Variants in MDGA2 observed in about 807,000 individuals in gnomAD.
MDGA2 encodes MAM domain-containing glycosylphosphatidylinositol anchor protein 2.
MDGA2 carries 40 observed loss-of-function variants against 117.8 expected under a neutral mutation model. That is an observed-to-expected ratio of 0.34 (90% confidence interval 0.26 to 0.44). The LOEUF is 0.44. Among genes scored for constraint, MDGA2 ranks in the 20% least tolerant of loss-of-function variants. The pLI is 1.00. For synonymous variants in MDGA2, 452 were observed against 439.0 expected, an observed-to-expected ratio of 1.03 and a Z score of -0.37; for missense variants, 1,123 against 1,250.6, an observed-to-expected ratio of 0.90 and a Z score of 1.54.
chr14:47,582,806 T>A (rs1896253634), intron 1 of MDGA2, among the ~76,000 whole-genome samples: 1 of 151,894 alleles, frequency 6.6e-6, no homozygotes, highest in Admixed American at 6.6e-5. Context: ...ACTTTATTCA[T>A]CAGTACTCTT....
chr14:47,226,311 T>C (rs1025665034), intron 2 of MDGA2, among the ~76,000 whole-genome samples: 12 of 151,986 alleles, frequency 7.9e-5, no homozygotes, highest in African/African-American at 2.9e-4. Context: ...CTACTCACTA[T>C]GCGGAAAACA....
intron 1 of MDGA2, among the ~76,000 whole-genome samples, chr14:47,490,177 A>G (rs1021128421): frequency 6.6e-6 from 1 of 151,918 alleles, no homozygotes; most frequent in African/African-American, 2.4e-5. Context: ...AAAGATTCCA[A>G]CTCTTGGGGT....
intron 9 of MDGA2, among the ~76,000 whole-genome samples, chr14:46,956,547 TAGTAAATAAATACATATATAAATA>T (rs1485560895): frequency 2.0e-5 from 3 of 151,570 alleles, no homozygotes; most frequent in Non-Finnish European, 4.4e-5. Context: ...TATTGCCAGG[TAGTAAATAAATACATATATAAATA>T]AGCAAATAAA....
intron 1 of MDGA2, among the ~76,000 whole-genome samples, chr14:47,331,526 C>CA (rs1566742094): frequency 5.3e-5 from 8 of 151,740 alleles, no homozygotes; most frequent in African/African-American, 1.5e-4. Context: ...CTTCTGTTGA[C>CA]GCAGATTCTT....
rs577861558 is a variant in MDGA2, at chr14:47,504,887, C to T, written c.280+169630G>A. Among the ~76,000 whole-genome samples, 33 of 152,170 alleles carry T rather than the reference C, an allele frequency of 2.2e-4. No individual in the cohort carries two copies. In the East Asian group the frequency reaches 5.2e-3, roughly 24 times the overall value. ...TGAAATCAACATGCTGAAGAGATAACCACACTCCCATGGTTCATTCAGTAT... is the reference window on the plus strand; with the variant it reads ...TGAAATCAACATGCTGAAGAGATAATCACACTCCCATGGTTCATTCAGTAT... On this transcript the variant is annotated intron_variant, in intron 1 of 16. Transcript: ENST00000399232.
intron 1 of MDGA2, among the ~76,000 whole-genome samples, chr14:47,332,951 C>T (rs1007192861): frequency 2.0e-5 from 3 of 151,896 alleles, no homozygotes; most frequent in Non-Finnish European, 4.4e-5. Flanking sequence ...CCTCTAGTTC[C>T]ATCCATGTTG....
intron 1 of MDGA2, among the ~76,000 whole-genome samples, chr14:47,582,617 T>C (rs1390092622): frequency 6.6e-6 from 1 of 151,864 alleles, no homozygotes; most frequent in Non-Finnish European, 1.5e-5. Context: ...CATTATGGCT[T>C]CTACTTCTAA....
At chr14:47,602,293 G>C (rs113348972) in intron 1 of MDGA2, among the ~76,000 whole-genome samples, 5 of 152,104 alleles carry the variant, frequency 3.3e-5, no homozygotes, top group Admixed American at 2.0e-4. Context: ...AAGACCTAGA[G>C]TCCCAGCATG....
intron 2 of MDGA2, among the ~76,000 whole-genome samples, chr14:47,227,730 G>C (rs1020202634): frequency 2.0e-5 from 3 of 151,912 alleles, no homozygotes; most frequent in African/African-American, 7.3e-5. Context: ...TTATGAATTA[G>C]ACAAAATCTC....
chr14:47,087,635 T>C (rs1467446322), intron 6 of MDGA2, among the ~76,000 whole-genome samples: 1 of 152,052 alleles, frequency 6.6e-6, no homozygotes, highest in Non-Finnish European at 1.5e-5. Context: ...ATCACAGATA[T>C]CTTGTCCTAC....
At chr14:47,138,630 G>A (rs931163997) in intron 4 of MDGA2, among the ~76,000 whole-genome samples, 1 of 151,962 alleles carries the variant, frequency 6.6e-6, no homozygotes, top group South Asian at 2.1e-4. Flanking sequence ...TGACATTGCT[G>A]TAATGAAGCA....
In MDGA2 at chr14:47,066,439, C is replaced by T. The variant is rs747645400; in HGVS notation, c.1196-4861G>A. 7.9e-5 allele frequency among the ~76,000 whole-genome samples: 12 copies of T among 152,224 alleles called. No homozygotes were observed. The South Asian group carries it at 8.3e-4, about 11-fold the overall frequency. ...ATAGGAAAAAGAACAGATTTGATGT[C>T]CTCAAGGATTCAGTGATTTTGTTGT... On this transcript the variant is annotated intron_variant, in intron 6 of 16. Transcript: ENST00000399232.
intron 1 of MDGA2, among the ~76,000 whole-genome samples, chr14:47,529,884 C>T (rs1171775748): frequency 2.6e-5 from 4 of 152,190 alleles, no homozygotes; most frequent in Non-Finnish European, 4.4e-5. Context: ...TTTCACCATT[C>T]CTGTTTGCCA....
Position 46,982,598 on chromosome 14 carries a change from A to T in MDGA2, c.1820-24955T>A, listed in dbSNP as rs190824271. Among the ~76,000 whole-genome samples, 102 of 148,582 alleles carry T rather than the reference A, an allele frequency of 6.9e-4. 1 individual carries two copies. The highest frequency in any genetic ancestry group is 2.4e-3 in the African/African-American group (97 of 40,424). ...GTGGCACATGCTTGTAATTCCAGCT[A>T]CTTGGGAGGCTGAGACAGGAGAATC... On this transcript the variant is annotated intron_variant, in intron 8 of 16. Transcript: ENST00000399232.
At chr14:47,511,145 G>A (rs187631239) in intron 1 of MDGA2, among the ~76,000 whole-genome samples, 13 of 152,156 alleles carry the variant, frequency 8.5e-5, no homozygotes, top group African/African-American at 2.9e-4. Flanking sequence ...TCAGATCTTG[G>A]GACAGTACCT....
chr14:47,103,513 C>T (rs924618413), intron 5 of MDGA2, among the ~76,000 whole-genome samples: 1 of 152,162 alleles, frequency 6.6e-6, no homozygotes, highest in Non-Finnish European at 1.5e-5. Context: ...CTGGGAAATT[C>T]TATTTAAAAT....
At chr14:47,567,545 C>T (rs1895942250) in intron 1 of MDGA2, among the ~76,000 whole-genome samples, 1 of 152,170 alleles carries the variant, frequency 6.6e-6, no homozygotes, top group East Asian at 1.9e-4. Context: ...ATATGCAAAA[C>T]ACTTGTAGGT....
chr14:47,279,280 T>A (rs1308646370), intron 2 of MDGA2, among the ~76,000 whole-genome samples: 1 of 152,160 alleles, frequency 6.6e-6, no homozygotes, highest in African/African-American at 2.4e-5. Flanking sequence ...TGTAACATTT[T>A]TAAGTCTCTA....
At position 47,674,548 on chromosome 14, in the gene MDGA2, G is replaced by A. The variant is rs1400064651; in HGVS notation, c.249C>T (p.Leu83=). The A allele has an allele frequency of 1.3e-6, 2 of 1,551,306 alleles. No individual in the cohort carries two copies. The highest frequency in any genetic ancestry group is 1.4e-5 in the African/African-American group (1 of 73,092). The change falls in exon 1 of 17, where the codon CTC becomes CTT. Residue 83 remains leucine (L), a synonymous_variant. Transcript: ENST00000399232. ...CTCCTTGGCCAGAGATCCCCTCCAG[G>A]AGGACTGTCAGCAGCCACACGAGAC... ...LYGLVWLLTV[L]LEGISGQGVY...
Sources: gnomAD v4.1 joint callset for allele counts (sites outside exome capture counted in the v4.1 genomes callset) on GRCh38, gnomAD v4.1.1 for gene constraint, MANE v1.5 for transcripts, NCBI Gene and HGNC (gene_info 2026-07-23, HGNC 2026-07-21) for gene names.